Variants in RNF13 observed in about 807,000 individuals in gnomAD.
RNF13 encodes the protein E3 ubiquitin-protein ligase RNF13.
A neutral mutation model predicts 37.7 loss-of-function variants in RNF13; 19 were observed. That is an observed-to-expected ratio of 0.50 (90% CI 0.35 to 0.74). The LOEUF (loss-of-function observed/expected upper bound fraction) is 0.74, where lower values mean the gene tolerates loss of function less well. Ranked by LOEUF, RNF13 falls within the 30% of genes least tolerant of loss-of-function variation. The pLI is 0.01. For synonymous variants in RNF13, 144 were observed against 157.8 expected (o/e 0.91, Z 0.65); for missense variants, 375 against 453.0 (o/e 0.83, Z 1.56).
chr3:149,907,452 T>C (rs1232460351), intron 6 of RNF13, among the ~76,000 whole-genome samples: 1 of 152,198 alleles, frequency 6.6e-6, no homozygotes, highest in Non-Finnish European at 1.5e-5. Context: ...TTTTAACTAC[T>C]TTTAAAAAGG....
intron 8 of RNF13, among the ~76,000 whole-genome samples, chr3:149,923,025 A>G (rs1718302675): frequency 6.6e-6 from 1 of 152,130 alleles, no homozygotes; most frequent in Non-Finnish European, 1.5e-5. Flanking sequence ...GCAATAAAAC[A>G]TAGTTCTGCC....
intron 1 of RNF13, among the ~76,000 whole-genome samples, chr3:149,820,715 C>G (rs1305190777): frequency 6.6e-6 from 1 of 152,178 alleles, no homozygotes; most frequent in East Asian, 1.9e-4. Context: ...CATTTAGTAC[C>G]TTTGCAGTGT....
At chr3:149,829,023 C>G (rs529967092) in intron 1 of RNF13, among the ~76,000 whole-genome samples, 1 of 152,276 alleles carries the variant, frequency 6.6e-6, no homozygotes, top group East Asian at 1.9e-4. Context: ...CTCATATATA[C>G]TGAGTGAGAA....
intron 5 of RNF13, among the ~76,000 whole-genome samples, chr3:149,900,781 TG>T (rs748390116): frequency 1.2e-4 from 19 of 152,176 alleles, no homozygotes; most frequent in Non-Finnish European, 2.1e-4. Flanking sequence ...TAATATTTTT[TG>T]TTTCTGCCCT....
chr3:149,933,232 G>A (rs1719337145), intron 8 of RNF13, among the ~76,000 whole-genome samples: 1 of 151,762 alleles, frequency 6.6e-6, no homozygotes, highest in Non-Finnish European at 1.5e-5. Context: ...TAGGCCTCTG[G>A]GCTTGTGATG....
intron 8 of RNF13, among the ~76,000 whole-genome samples, chr3:149,922,470 A>G (rs1422284716): frequency 1.3e-5 from 2 of 152,226 alleles, no homozygotes; most frequent in Non-Finnish European, 2.9e-5. Flanking sequence ...TAAAAACAAT[A>G]ATTAAACTAA....
Position 149,947,026 on chromosome 3 carries a change from G to T in RNF13, c.701-13030G>T, listed in dbSNP as rs115066975. 6.1e-3 allele frequency among the ~76,000 whole-genome samples: 920 copies of T among 151,806 alleles called. 7 individuals carry two copies. Among genetic ancestry groups the T allele is most frequent in the African/African-American group, 0.021 (875 of 41,438 alleles). On this transcript the variant is annotated intron_variant, in intron 8 of 9. Coordinates refer to ENST00000392894, the MANE Select transcript of RNF13 (RefSeq NM_183381.3). ...CTTGTGATTTCTTATTTGACCCATT[G>T]GTTGTTAAAAACTGCATTAATTCCT...
At chr3:149,902,862 A>G (rs1020345392) in intron 6 of RNF13, among the ~76,000 whole-genome samples, 5 of 152,146 alleles carry the variant, frequency 3.3e-5, no homozygotes, top group African/African-American at 1.2e-4. Flanking sequence ...GCTAATATTT[A>G]TTGAGCATTT....
chr3:149,907,263 G>A (rs939182641), intron 6 of RNF13, among the ~76,000 whole-genome samples: 1 of 151,932 alleles, frequency 6.6e-6, no homozygotes, highest in African/African-American at 2.4e-5. Flanking sequence ...TAATTGCATT[G>A]GTAATAACTT....
intron 4 of RNF13, among the ~76,000 whole-genome samples, chr3:149,890,128 C>G (rs1453357339): frequency 6.6e-6 from 1 of 152,192 alleles, no homozygotes; most frequent in Non-Finnish European, 1.5e-5. Flanking sequence ...AGGCATTCTC[C>G]AAGTTCCCTA....
chr3:149,820,475 G>A (rs1243561867), intron 1 of RNF13, among the ~76,000 whole-genome samples: 1 of 152,126 alleles, frequency 6.6e-6, no homozygotes, highest in East Asian at 1.9e-4. Flanking sequence ...AGTCATGAGG[G>A]AGAAACATCT....
chr3:149,947,291 T>C (rs181374130), intron 8 of RNF13, among the ~76,000 whole-genome samples: 9 of 152,320 alleles, frequency 5.9e-5, no homozygotes, highest in Admixed American at 2.0e-4. Context: ...TAAAGAGTTA[T>C]TCAAGTCATC....
chr3:149,831,527 G>A (rs1721052342), intron 1 of RNF13, among the ~76,000 whole-genome samples: 1 of 152,156 alleles, frequency 6.6e-6, no homozygotes, highest in Non-Finnish European at 1.5e-5. Flanking sequence ...TTTGGAATGG[G>A]TGTATTTGAC....
intron 7 of RNF13, among the ~76,000 whole-genome samples, chr3:149,916,639 C>T (rs1459042683): frequency 1.3e-5 from 2 of 151,582 alleles, no homozygotes; most frequent in African/African-American, 4.9e-5. Context: ...TTGTTGATTC[C>T]CTTGGGGTTT....
intron 5 of RNF13, among the ~76,000 whole-genome samples, chr3:149,901,395 A>G (rs933279739): frequency 1.3e-5 from 2 of 152,152 alleles, no homozygotes; most frequent in African/African-American, 4.8e-5. Flanking sequence ...TCTATTCCTG[A>G]GTAATGGGTA....
At chr3:149,833,645 G>T (rs979878620) in intron 1 of RNF13, among the ~76,000 whole-genome samples, 1 of 152,090 alleles carries the variant, frequency 6.6e-6, no homozygotes, top group Admixed American at 6.5e-5. Context: ...GTAAAAAACC[G>T]ACAACTAATA....
intron 5 of RNF13, among the ~76,000 whole-genome samples, chr3:149,896,426 T>C (rs946222113): frequency 6.6e-6 from 1 of 152,062 alleles, no homozygotes; most frequent in Non-Finnish European, 1.5e-5. Context: ...AACCAAAAAG[T>C]CTTCTTTTAG....
At chr3:149,878,821 G>T (rs1054416375) in intron 4 of RNF13, among the ~76,000 whole-genome samples, 1 of 152,076 alleles carries the variant, frequency 6.6e-6, no homozygotes, top group Non-Finnish European at 1.5e-5. Flanking sequence ...AGACATCTGG[G>T]TGGGGAGAAA....
At chr3:149,893,564 GC>G (rs1239579661) in intron 4 of RNF13, among the ~76,000 whole-genome samples, 1 of 152,130 alleles carries the variant, frequency 6.6e-6, no homozygotes, top group African/African-American at 2.4e-5. Flanking sequence ...TTAAATAAAA[GC>G]CAAGTGAAGT....
Sources: allele counts gnomAD v4.1 joint callset (sites outside exome capture counted in the v4.1 genomes callset), GRCh38; gene constraint gnomAD v4.1.1; transcripts MANE v1.5; gene names NCBI Gene and HGNC (gene_info 2026-07-23, HGNC 2026-07-21).